QTMAN: variants seen among roughly 807,000 people sequenced by gnomAD.
QTMAN encodes queuosine-tRNA mannosyltransferase, also known as tRNA-queuosine alpha-mannosyltransferase.
chr2:144,065,377 G>C, the QTMAN span, among the ~76,000 whole-genome samples: 23 of 152,314 alleles, frequency 1.5e-4, no homozygotes, highest in East Asian at 3.7e-3. Context: ...GCCCTAGCAG[G>C]TTGACCCAAA....
At chr2:144,322,669 T>C in the QTMAN span, among the ~76,000 whole-genome samples, 13 of 152,156 alleles carry the variant, frequency 8.5e-5, no homozygotes, top group South Asian at 2.1e-4. Context: ...ATTCAGATAA[T>C]TGTAGATGTT....
At chr2:144,131,046 A>G in the QTMAN span, among the ~76,000 whole-genome samples, 5 of 151,976 alleles carry the variant, frequency 3.3e-5, no homozygotes, top group African/African-American at 1.2e-4. Flanking sequence ...GTAATAAATG[A>G]TAAGAAACAA....
chr2:144,224,985 G>A, the QTMAN span, among the ~76,000 whole-genome samples: 5 of 152,100 alleles, frequency 3.3e-5, no homozygotes, highest in Admixed American at 3.3e-4. Context: ...GGTGAACCAA[G>A]AGCCCAGGAA....
the QTMAN span, among the ~76,000 whole-genome samples, chr2:144,065,313 A>G: frequency 2.6e-5 from 4 of 152,196 alleles, no homozygotes; most frequent in Non-Finnish European, 4.4e-5. Context: ...ACACTGGAGT[A>G]TCTTCTGTCT....
At chr2:144,133,471 T>TATAATATATATTATATATATATTATA in the QTMAN span, among the ~76,000 whole-genome samples, 1 of 65,954 alleles carries the variant, frequency 1.5e-5, no homozygotes, top group African/African-American at 6.2e-5. Context: ...ATATTATATA[T>TATAATATATATTATATATATATTATA]TATATAATAT....
the QTMAN span, among the ~76,000 whole-genome samples, chr2:144,032,942 T>C: frequency 6.6e-6 from 1 of 152,096 alleles, no homozygotes; most frequent in Non-Finnish European, 1.5e-5. Context: ...CTAGATAGAA[T>C]TTGGTATATG....
the QTMAN span, among the ~76,000 whole-genome samples, chr2:144,169,714 T>C: frequency 6.6e-6 from 1 of 152,098 alleles, no homozygotes; most frequent in African/African-American, 2.4e-5. Flanking sequence ...TAATAAAAAA[T>C]AGATCTTTGA....
the QTMAN span, among the ~76,000 whole-genome samples, chr2:144,009,357 G>A: frequency 4.6e-5 from 7 of 152,082 alleles, no homozygotes; most frequent in African/African-American, 1.7e-4. Context: ...CAGTCACTGT[G>A]GAGACAGGGA....
the QTMAN span, among the ~76,000 whole-genome samples, chr2:143,954,806 C>T: frequency 6.6e-6 from 1 of 151,970 alleles, no homozygotes; most frequent in Non-Finnish European, 1.5e-5. Flanking sequence ...AATTATTCAT[C>T]ACTTCAATTC....
the QTMAN span, among the ~76,000 whole-genome samples, chr2:144,065,320 G>A: frequency 2.6e-5 from 4 of 152,170 alleles, no homozygotes; most frequent in Non-Finnish European, 5.9e-5. Context: ...AGTATCTTCT[G>A]TCTGCCTCTA....
chr2:144,284,608 AAAAAT>A, the QTMAN span, among the ~76,000 whole-genome samples: 1 of 152,162 alleles, frequency 6.6e-6, no homozygotes, highest in African/African-American at 2.4e-5. Context: ...ATAGAAAAAT[AAAAAT>A]AAAAGAAAAT....
At chr2:144,186,730 C>T in the QTMAN span, among the ~76,000 whole-genome samples, 5 of 152,116 alleles carry the variant, frequency 3.3e-5, no homozygotes, top group Non-Finnish European at 5.9e-5. Context: ...CAAATTCTTT[C>T]AGTATTTATT....
chr2:144,095,694 T>C, the QTMAN span, among the ~76,000 whole-genome samples: 8 of 152,160 alleles, frequency 5.3e-5, no homozygotes, highest in Non-Finnish European at 1.0e-4. Context: ...TGATTCCTTA[T>C]ATATTTTCCT....
chr2:144,325,715 C>T, the QTMAN span, among the ~76,000 whole-genome samples: 1 of 151,930 alleles, frequency 6.6e-6, no homozygotes, highest in South Asian at 2.1e-4. Context: ...AAATTACCAC[C>T]CCCTCGCCTC....
At chr2:144,053,052 A>T in the QTMAN span, among the ~76,000 whole-genome samples, 1 of 152,270 alleles carries the variant, frequency 6.6e-6, no homozygotes, top group Admixed American at 6.5e-5. Context: ...TTCCCAAGAA[A>T]AAAGAAAATG....
At chr2:144,140,757 C>T in the QTMAN span, among the ~76,000 whole-genome samples, 1 of 151,952 alleles carries the variant, frequency 6.6e-6, no homozygotes, top group Non-Finnish European at 1.5e-5. Flanking sequence ...AAATATTAAT[C>T]CAGTCTGTGA....
the QTMAN span, among the ~76,000 whole-genome samples, chr2:144,225,604 T>G: frequency 6.6e-6 from 1 of 152,322 alleles, no homozygotes; most frequent in East Asian, 1.9e-4. Flanking sequence ...TACACATTCC[T>G]ACCTGCAAAT....
chr2:144,298,104 C>A, the QTMAN span, among the ~76,000 whole-genome samples: 1 of 151,264 alleles, frequency 6.6e-6, no homozygotes, highest in African/African-American at 2.4e-5. Context: ...CTTCAAGCTG[C>A]GCCTCCCAGG....
the QTMAN span, among the ~76,000 whole-genome samples, chr2:144,246,729 C>T: frequency 1 from 151,708 of 152,352 alleles, 75,538 homozygotes; most frequent in East Asian, 1. Context: ...TCTCTTACCA[C>T]AGTGGACAAC....
Sources: gnomAD v4.1 joint callset for allele counts (sites outside exome capture counted in the v4.1 genomes callset) on GRCh38, gnomAD v4.1.1 for gene constraint, MANE v1.5 for transcripts, NCBI Gene and HGNC (gene_info 2026-07-23, HGNC 2026-07-21) for gene names.